Variants in IQSEC2 observed in about 807,000 individuals in gnomAD.
IQSEC2 encodes the protein IQ motif and Sec7 domain ArfGEF 2.
In IQSEC2, 6 loss-of-function variants were observed where a neutral mutation model predicts 74.6. The observed-to-expected ratio is 0.08, with a 90% CI of 0.04 to 0.16. IQSEC2 has a LOEUF of 0.16. Ranked by LOEUF, IQSEC2 falls within the 10% of genes least tolerant of loss-of-function variation. The pLI is 1.00. For missense variants in IQSEC2, 734 were observed against 1,306.2 expected (o/e 0.56, Z 6.75); for synonymous variants, 494 against 544.5 (o/e 0.91, Z 1.29).
chrX:53,316,450 A>C (rs2075371837), intron 1 of IQSEC2, among the ~76,000 whole-genome samples: 1 of 111,210 alleles, frequency 9.0e-6, no homozygotes, highest in Non-Finnish European at 1.9e-5. Flanking sequence ...GCTGTCTCTC[A>C]GTGGCCTTAG....
chrX:53,270,433 G>A (rs182024887), intron 2 of IQSEC2, among the ~76,000 whole-genome samples: 35 of 110,252 alleles, frequency 3.2e-4, no homozygotes, highest in African/African-American at 9.9e-4. Context: ...TTACACCTGC[G>A]GTTCCTTCTA....
At chrX:53,280,126 C>T (rs1478269157) in intron 2 of IQSEC2, among the ~76,000 whole-genome samples, 1 of 97,720 alleles carries the variant, frequency 1.0e-5, no homozygotes, top group Non-Finnish European at 2.0e-5. Flanking sequence ...TGGGACACCA[C>T]AGTAGGGAAG....
intron 2 of IQSEC2, among the ~76,000 whole-genome samples, chrX:53,258,061 T>G (rs1374100851): frequency 9.0e-6 from 1 of 111,484 alleles, no homozygotes; most frequent in Non-Finnish European, 1.9e-5. Context: ...CAAATGCTCC[T>G]CTGCTTTCTA....
intron 1 of IQSEC2, among the ~76,000 whole-genome samples, chrX:53,315,165 C>T (rs782121229): frequency 5.4e-5 from 6 of 111,624 alleles, no homozygotes; most frequent in Admixed American, 4.7e-4. Flanking sequence ...CAGAGGTGGG[C>T]GGATCACCTG....
Position 53,234,336 on chromosome X carries a change from T to C in IQSEC2, c.4350A>G (p.Ser1450=). Residue 1450 remains serine (S), a synonymous_variant, in exon 15 of 15, where the codon TCA becomes TCG. Coordinates refer to ENST00000642864, the MANE Select transcript of IQSEC2 (RefSeq NM_001111125.3). Reference sequence around the variant, plus strand: ...CATGGGGGGAGGTGGGTGGAAGGGGTGAGTGCGGGGTGTGAGGGGAGGGTG... The same window carrying C: ...CATGGGGGGAGGTGGGTGGAAGGGGCGAGTGCGGGGTGTGAGGGGAGGGTG... ...LPPPSPHTPH[S]PLPPTSPHGP... is the part of the protein sequence containing the mutation. 4.7e-6 allele frequency: 1 copy of C among 210,751 alleles called. No homozygotes were observed. Among genetic ancestry groups the C allele is most frequent in the Non-Finnish European group, 6.8e-6 (1 of 147,091 alleles). 17.4% of individuals were successfully genotyped at this position (210,751 alleles called of 1,213,427 possible).
intron 2 of IQSEC2, among the ~76,000 whole-genome samples, chrX:53,263,420 C>T (rs2074600160): frequency 9.0e-6 from 1 of 111,034 alleles, no homozygotes; most frequent in Admixed American, 9.5e-5. Flanking sequence ...CACCTCTGGC[C>T]AGCATCCCAC....
chrX:53,306,283 G>A (rs1556876622), intron 1 of IQSEC2, among the ~76,000 whole-genome samples: 3 of 112,077 alleles, frequency 2.7e-5, no homozygotes, highest in East Asian at 2.8e-4. Flanking sequence ...TACAGCAGAC[G>A]GAGAGCCTCT....
At chrX:53,295,934 G>A (rs1315210785) in intron 1 of IQSEC2, among the ~76,000 whole-genome samples, 1 of 111,669 alleles carries the variant, frequency 9.0e-6, no homozygotes, top group Non-Finnish European at 1.9e-5. Flanking sequence ...AGATAATGCG[G>A]AGTAACTTGA....
chrX:53,309,103 CAAA>C (rs56674253), intron 1 of IQSEC2, among the ~76,000 whole-genome samples: 4 of 37,354 alleles, frequency 1.1e-4, no homozygotes, highest in Admixed American at 3.5e-4. Context: ...GACCCTGTCT[CAAA>C]AAAAAAAAAA....
Position 53,235,097 on chromosome X carries a change from G to C in IQSEC2, c.3589C>G (p.Pro1197Ala). The part of the protein sequence containing the change: ...PPPEEYKSQR[P>A]VSNSSSFLGS... The stretch of plus-strand genomic sequence containing the variant: ...AGGAAGGATGAGGAGTTGGAGACGG[G>C]CCTCTGGCTCTTGTACTCCTCTGGC... The change falls in exon 15 of 15, where the codon CCC (proline) becomes GCC (alanine). Residue 1197 changes from proline (P) to alanine (A), a missense_variant. Physicochemically the swap from Pro to Ala is conservative, Grantham distance 27. Around this residue, in one of 12 missense-constraint regions of IQSEC2, gnomAD observed 249 missense variants for 467.9 expected, o/e 0.53. Transcript: ENST00000642864. 1 of 1,131,293 alleles carries C rather than the reference G, an allele frequency of 8.8e-7. No individual in the cohort carries two copies. Among genetic ancestry groups the C allele is most frequent in the Non-Finnish European group, 1.2e-6 (1 of 851,574 alleles). The allele number at this position is 1,131,293 out of a possible 1,213,427, so 93.2% of individuals were successfully genotyped here. A position where few individuals can be genotyped will look rare whatever the true frequency, so the allele number is the denominator to read the frequency against.
chrX:53,238,221 C>T lies in IQSEC2; in HGVS notation c.3201G>A (p.Gln1067=), dbSNP rs1556860173. The T allele has an allele frequency of 1.2e-5, 15 of 1,208,616 alleles. No homozygotes were observed. In the South Asian group the frequency reaches 2.3e-4, roughly 19 times the overall value. The part of the protein sequence containing the change: ...VLIIFNAPSL[Q]DRLRFTSDLR... ...GGTCGGATGTAAAGCGCAGCCGGTC[C>T]TGGAGGCTGGGGGCATTGAAGATGA... Residue 1067 remains glutamine, a synonymous_variant, in exon 12 of 15, where the codon CAG becomes CAA. Transcript: ENST00000642864.
Position 53,254,903 on chromosome X carries a change from C to A in IQSEC2, c.1028G>T (p.Gly343Val). 1 of 1,209,601 alleles carries A rather than the reference C, an allele frequency of 8.3e-7. No individual in the cohort carries two copies. Among genetic ancestry groups the A allele is most frequent in the Non-Finnish European group, 1.1e-6 (1 of 894,559 alleles). Residue 343 changes from glycine (G) to valine (V), a missense_variant, in exon 4 of 15, where the codon GGC becomes GTC. Coordinates refer to ENST00000642864, the MANE Select transcript of IQSEC2 (RefSeq NM_001111125.3). Reference protein sequence around the residue: ...KVEMLERKYGGSFLSRRAART... With the variant: ...KVEMLERKYGVSFLSRRAART... ...GGCAGCCCTGCGGCTCAGGAAGGAG[C>A]CCCCATACTTCCTCTCCAGCATTTC...
At chrX:53,264,293 G>A (rs909900931) in intron 2 of IQSEC2, among the ~76,000 whole-genome samples, 8 of 111,362 alleles carry the variant, frequency 7.2e-5, no homozygotes, top group Non-Finnish European at 1.5e-4. Flanking sequence ...GCCACATGGA[G>A]GCCATGCGTG....
downstream of IQSEC2, chrX:53,229,995 C>T (rs782319303): frequency 7.1e-5 from 8 of 112,508 alleles, no homozygotes; most frequent in Non-Finnish European, 1.5e-4. Flanking sequence ...GGGAGACCCG[C>T]CTGTCTCCAC....
At chrX:53,249,090 C>G (rs1385338004) in intron 5 of IQSEC2, among the ~76,000 whole-genome samples, 1 of 111,838 alleles carries the variant, frequency 8.9e-6, no homozygotes, top group Non-Finnish European at 1.9e-5. Flanking sequence ...CAAGGAGCTT[C>G]AAAATCCCAA....
At chrX:53,256,736 G>A (rs2074478667) in intron 2 of IQSEC2, among the ~76,000 whole-genome samples, 1 of 112,732 alleles carries the variant, frequency 8.9e-6, no homozygotes, top group African/African-American at 3.2e-5. Flanking sequence ...AGGGCAGGGC[G>A]AGCAGCAACA....
intron 2 of IQSEC2, chrX:53,279,447 C>T (rs1444695694): frequency 6.9e-5 from 33 of 479,686 alleles, no homozygotes; most frequent in South Asian, 9.2e-5. Flanking sequence ...CTCATACACT[C>T]GGACACCCAT....
chrX:53,268,016 C>T (rs1195179820), intron 2 of IQSEC2, among the ~76,000 whole-genome samples: 1 of 112,046 alleles, frequency 8.9e-6, no homozygotes, highest in East Asian at 2.8e-4. Flanking sequence ...GCACCTATCC[C>T]TAGGGTGCTG....
At chrX:53,245,842 C>A (rs1556861966) in intron 8 of IQSEC2, among the ~76,000 whole-genome samples, 1 of 105,993 alleles carries the variant, frequency 9.4e-6, no homozygotes, top group Non-Finnish European at 1.9e-5. Flanking sequence ...CCATCAATGA[C>A]CTCATCTCAA....
Sources: allele counts gnomAD v4.1 joint callset (sites outside exome capture counted in the v4.1 genomes callset), GRCh38; gene constraint gnomAD v4.1.1; regional missense constraint gnomAD v4.1.1; transcripts MANE v1.5; gene names NCBI Gene and HGNC (gene_info 2026-07-23, HGNC 2026-07-21).